The following ERG variants were observed in gnomAD, a reference collection of about 807,000 sequenced individuals.
ERG encodes ETS transcription factor ERG.
A neutral mutation model predicts 55.3 loss-of-function variants in ERG; 9 were observed. The observed-to-expected ratio is 0.16, with a 90% CI of 0.10 to 0.28. The LOEUF is 0.28. Among genes scored for constraint, ERG ranks in the 10% least tolerant of loss-of-function variants. ERG has a pLI of 1.00. For missense variants in ERG, 434 were observed against 631.6 expected (o/e 0.69, Z 3.35); for synonymous variants, 223 against 237.3 (o/e 0.94, Z 0.55).
chr21:38,389,614 C>T (rs905564591), intron 9 of ERG, among the ~76,000 whole-genome samples: 1 of 150,312 alleles, frequency 6.7e-6, no homozygotes, highest in African/African-American at 2.5e-5. Context: ...GAGAAGAGAC[C>T]ACAGCCTCAG....
intron 2 of ERG, among the ~76,000 whole-genome samples, chr21:38,565,541 G>A (rs759445196): frequency 9.2e-5 from 14 of 152,234 alleles, no homozygotes; most frequent in Non-Finnish European, 1.5e-4. Flanking sequence ...TCTCCTTGCC[G>A]TTACTTGAAA....
chr21:38,400,328 G>A (rs1204467048), intron 6 of ERG: 1 of 610,462 alleles, frequency 1.6e-6, no homozygotes, highest in Non-Finnish European at 3.1e-6. Flanking sequence ...TGCCTTCTTT[G>A]CCCATCTGTC....
intron 3 of ERG, among the ~76,000 whole-genome samples, chr21:38,417,812 T>A (rs1337459501): frequency 1.3e-5 from 2 of 151,858 alleles, no homozygotes; most frequent in East Asian, 1.9e-4. Context: ...AAATAAAAAA[T>A]AATAATAAAA....
chr21:38,423,084 A>T (rs1228885043), intron 3 of ERG, among the ~76,000 whole-genome samples: 9 of 144,444 alleles, frequency 6.2e-5, no homozygotes, highest in South Asian at 4.6e-4. Flanking sequence ...CTCCATACGT[A>T]GTGTGTGTGT....
chr21:38,455,749 T>C (rs547232048), intron 1 of ERG, among the ~76,000 whole-genome samples: 1 of 152,012 alleles, frequency 6.6e-6, no homozygotes, highest in East Asian at 1.9e-4. Flanking sequence ...TGCTTTTAGC[T>C]AATTTTCATC....
intron 2 of ERG, among the ~76,000 whole-genome samples, chr21:38,553,150 T>C (rs910211349): frequency 3.9e-5 from 6 of 151,982 alleles, no homozygotes; most frequent in Non-Finnish European, 7.4e-5. Flanking sequence ...AAAATCTCTA[T>C]GACAAGTATT....
At chr21:38,479,297 C>T (rs1303241450) in intron 1 of ERG, among the ~76,000 whole-genome samples, 2 of 152,114 alleles carry the variant, frequency 1.3e-5, no homozygotes, top group African/African-American at 4.8e-5. Flanking sequence ...TGAATGGAGC[C>T]TGGCTCTTCC....
intron 2 of ERG, among the ~76,000 whole-genome samples, chr21:38,561,203 G>A (rs529091580): frequency 1.3e-5 from 2 of 152,244 alleles, no homozygotes; most frequent in African/African-American, 4.8e-5. Flanking sequence ...ATAAAAGACT[G>A]AGGAACAGGA....
At chr21:38,486,971 T>C (rs1399210504) in intron 1 of ERG, among the ~76,000 whole-genome samples, 1 of 152,156 alleles carries the variant, frequency 6.6e-6, no homozygotes, top group Non-Finnish European at 1.5e-5. Flanking sequence ...GACTCTCTTC[T>C]ACAGATGAGG....
intron 1 of ERG, among the ~76,000 whole-genome samples, chr21:38,497,955 G>C (rs972914130): frequency 2.6e-5 from 4 of 152,166 alleles, no homozygotes; most frequent in African/African-American, 9.7e-5. Context: ...CCACTGAAGA[G>C]CCTCCAAATG....
intron 2 of ERG, among the ~76,000 whole-genome samples, chr21:38,431,636 G>C (rs1990217143): frequency 6.6e-6 from 1 of 152,156 alleles, no homozygotes; most frequent in Non-Finnish European, 1.5e-5. Context: ...CTTTCTACTA[G>C]CCAAAGCAAA....
chr21:38,395,353 A>G (rs1988164057), intron 6 of ERG: 1 of 227,460 alleles, frequency 4.4e-6, no homozygotes, highest in Non-Finnish European at 8.7e-6. Context: ...GACTGCTTGA[A>G]AAATCACTCC....
chr21:38,403,641 G>T lies in ERG; in HGVS notation c.457C>A (p.Pro153Thr), dbSNP rs1340220492. ...TGGAATAACAAGATGTTGACGTCTG[G>T]AAGGCCATATTCTTTCACCGCCCAC... Reference protein sequence around the residue: ...LEWAVKEYGLPDVNILLFQNI... With the variant: ...LEWAVKEYGLTDVNILLFQNI... Residue 153 changes from proline (P) to threonine (T), a missense_variant, in exon 4 of 10, where the codon CCA (proline) becomes ACA (threonine). Physicochemically the swap from Pro to Thr is conservative, Grantham distance 38. Around this residue, in one of 5 missense-constraint regions of ERG, gnomAD observed 212 missense variants for 262.9 expected, o/e 0.81. Coordinates refer to ENST00000288319, the MANE Select transcript of ERG (RefSeq NM_182918.4). 2.1e-5 allele frequency: 34 copies of T among 1,614,026 alleles called. No individual in the cohort carries two copies. Among genetic ancestry groups the T allele is most frequent in the Non-Finnish European group, 2.6e-5 (31 of 1,180,032 alleles).
chr21:38,539,304 G>T (rs1349702456), intron 2 of ERG, among the ~76,000 whole-genome samples: 1 of 152,168 alleles, frequency 6.6e-6, no homozygotes, highest in Non-Finnish European at 1.5e-5. Flanking sequence ...TGCTGTAGGT[G>T]CAAAATATAT....
chr21:38,416,299 T>C (rs921019405), intron 3 of ERG, among the ~76,000 whole-genome samples: 1 of 152,224 alleles, frequency 6.6e-6, no homozygotes, highest in African/African-American at 2.4e-5. Context: ...AGACGGTCGA[T>C]GGTCAGGTCT....
chr21:38,624,995 A>T (rs2060315787), intron 1 of ERG, among the ~76,000 whole-genome samples: 1 of 146,944 alleles, frequency 6.8e-6, no homozygotes, highest in Admixed American at 6.8e-5. Context: ...TGAAATTAAA[A>T]ATATATATTA....
intron 1 of ERG, among the ~76,000 whole-genome samples, chr21:38,484,436 C>A (rs941941784): frequency 5.9e-5 from 9 of 152,202 alleles, no homozygotes; most frequent in Non-Finnish European, 1.3e-4. Flanking sequence ...TGCACAAACA[C>A]ATTCATTTAT....
chr21:38,470,976 G>A (rs887421219), intron 1 of ERG: 2 of 152,162 alleles, frequency 1.3e-5, no homozygotes, highest in Non-Finnish European at 2.9e-5. Flanking sequence ...ATTGCCACTG[G>A]GTTTCTCTGT....
chr21:38,445,757 G>T, intron 1 of ERG, 136 bp from the exon 2 acceptor site: 1 of 670,726 alleles, frequency 1.5e-6, no homozygotes, highest in Non-Finnish European at 2.6e-6. Flanking sequence ...CTACCTTTCA[G>T]AAGAAAAAAG....
Sources: allele counts gnomAD v4.1 joint callset (sites outside exome capture counted in the v4.1 genomes callset), GRCh38; gene constraint gnomAD v4.1.1; regional missense constraint gnomAD v4.1.1; transcripts MANE v1.5; gene names NCBI Gene and HGNC (gene_info 2026-07-23, HGNC 2026-07-21).